The following GRM5 variants were observed in gnomAD, a reference collection of about 807,000 sequenced individuals.
The protein encoded by GRM5 is glutamate metabotropic receptor 5, also known as metabotropic glutamate receptor 5.
Under a neutral mutation model 83.1 loss-of-function variants are expected in GRM5, and 19 were observed. The ratio of observed to expected loss-of-function variants is 0.23; its 90% confidence interval spans 0.16 to 0.34. The LOEUF is 0.34. Ranked by LOEUF, GRM5 falls within the 10% of genes least tolerant of loss-of-function variation. The probability of loss-of-function intolerance (pLI) is 1.00; values close to 1 mark genes in which losing one functional copy is unlikely to be tolerated. For synonymous variants in GRM5, 675 were observed against 633.6 expected (o/e 1.07, Z -0.98); for missense variants, 1,160 against 1,588.3 (o/e 0.73, Z 4.58).
At chr11:88,607,817 G>A (rs1264464812) in intron 4 of GRM5, among the ~76,000 whole-genome samples, 1 of 152,156 alleles carries the variant, frequency 6.6e-6, no homozygotes, top group Non-Finnish European at 1.5e-5. Flanking sequence ...CACAAGATTT[G>A]TGCAGGACAA....
chr11:88,870,970 T>C (rs1753818353), intron 2 of GRM5, among the ~76,000 whole-genome samples: 1 of 151,576 alleles, frequency 6.6e-6, no homozygotes, highest in Admixed American at 6.6e-5. Context: ...GTTTGGATGG[T>C]GGATATGCTA....
intron 3 of GRM5, among the ~76,000 whole-genome samples, chr11:88,657,569 T>C (rs1438271285): frequency 6.6e-6 from 1 of 152,150 alleles, no homozygotes; most frequent in Non-Finnish European, 1.5e-5. Context: ...CTTCCCAAGA[T>C]TGCATTACCA....
chr11:89,030,348 G>T (rs184955257), intron 2 of GRM5, among the ~76,000 whole-genome samples: 80 of 152,026 alleles, frequency 5.3e-4, no homozygotes, highest in Admixed American at 4.5e-3. Flanking sequence ...AGAGCTTTGT[G>T]GTAATCTCAA....
intron 4 of GRM5, among the ~76,000 whole-genome samples, chr11:88,630,065 A>G (rs1162739138): frequency 6.6e-6 from 1 of 152,102 alleles, no homozygotes; most frequent in Non-Finnish European, 1.5e-5. Context: ...TTCTCCTGAA[A>G]TCATCTTCTC....
intron 2 of GRM5, among the ~76,000 whole-genome samples, chr11:88,874,768 A>G (rs1478541643): frequency 6.6e-6 from 1 of 151,986 alleles, no homozygotes; most frequent in Non-Finnish European, 1.5e-5. Flanking sequence ...CCATTACAAT[A>G]AAGCAAATAT....
intron 2 of GRM5, among the ~76,000 whole-genome samples, chr11:88,888,005 G>A (rs538391655): frequency 2.6e-5 from 4 of 152,164 alleles, no homozygotes; most frequent in South Asian, 2.1e-4. Flanking sequence ...TGCCTTAACC[G>A]GGGCCACCTC....
intron 8 of GRM5, among the ~76,000 whole-genome samples, chr11:88,538,393 T>C (rs1176576752): frequency 6.6e-6 from 1 of 152,178 alleles, no homozygotes; most frequent in Non-Finnish European, 1.5e-5. Context: ...AAACCAATCC[T>C]AAGGTGCTTT....
At chr11:88,512,324 A>G (rs563994708) in intron 9 of GRM5, 2 of 154,556 alleles carry the variant, frequency 1.3e-5, no homozygotes, top group South Asian at 2.0e-4. Context: ...GAAACACCAG[A>G]CACCCAGAGA....
intron 2 of GRM5, among the ~76,000 whole-genome samples, chr11:89,041,882 C>G (rs1444931406): frequency 6.6e-6 from 1 of 152,040 alleles, no homozygotes; most frequent in Non-Finnish European, 1.5e-5. Flanking sequence ...ACAATCAATC[C>G]ATAATTTCAA....
At chr11:88,953,502 A>G (rs1479851336) in intron 2 of GRM5, among the ~76,000 whole-genome samples, 1 of 152,214 alleles carries the variant, frequency 6.6e-6, no homozygotes, top group Non-Finnish European at 1.5e-5. Flanking sequence ...AGCCAAATAT[A>G]TACACTCTGA....
intron 2 of GRM5, among the ~76,000 whole-genome samples, chr11:88,971,682 G>GGCATTAAAATCCAGT (rs1421400087): frequency 6.6e-6 from 1 of 151,948 alleles, no homozygotes; most frequent in Admixed American, 6.6e-5. Context: ...CCAGTTTATT[G>GGCATTAAAATCCAGT]TTAATGGGCA....
chr11:88,953,816 T>C (rs1363366103), intron 2 of GRM5, among the ~76,000 whole-genome samples: 1 of 152,234 alleles, frequency 6.6e-6, no homozygotes, highest in Non-Finnish European at 1.5e-5. Context: ...TGCTTTATGA[T>C]GCTAAAGATA....
chr11:89,036,965 G>C (rs1398391126), intron 2 of GRM5, among the ~76,000 whole-genome samples: 9 of 152,026 alleles, frequency 5.9e-5, no homozygotes, highest in Non-Finnish European at 2.9e-5. Context: ...TTTTAGACTT[G>C]AGTATATATC....
intron 2 of GRM5, among the ~76,000 whole-genome samples, chr11:88,990,109 T>A (rs11517538): frequency 1.5e-5 from 2 of 132,434 alleles, no homozygotes; most frequent in African/African-American, 6.2e-5. Flanking sequence ...ATTGATAGAC[T>A]GCTAGCAAGA....
At position 88,990,551 on chromosome 11, in the gene GRM5, C is replaced by T. The variant is rs1422796432; in HGVS notation, c.661+56661G>A. 2.7e-5 allele frequency among the ~76,000 whole-genome samples: 4 copies of T among 150,860 alleles called. No individual in the cohort carries two copies. In the South Asian group the frequency reaches 6.3e-4, roughly 24 times the overall value. ...TTCTGATACCAAAGCCTGGCAGAGA[C>T]ACAACCAAAAAAGAGAATTTTAGAC... is the stretch of plus-strand genomic sequence containing the variant. On this transcript the variant is annotated intron_variant, in intron 2 of 9. Transcript: ENST00000305447.
At chr11:88,956,669 G>A (rs1255759465) in intron 2 of GRM5, among the ~76,000 whole-genome samples, 2 of 152,202 alleles carry the variant, frequency 1.3e-5, no homozygotes, top group African/African-American at 4.8e-5. Context: ...AGCCGGGCGC[G>A]GTGGCGGGGG....
chr11:88,639,816 C>A (rs184749777), intron 4 of GRM5, among the ~76,000 whole-genome samples: 1 of 152,252 alleles, frequency 6.6e-6, no homozygotes, highest in Admixed American at 6.5e-5. Context: ...GTATCTTTAA[C>A]ATACCTTGGG....
intron 8 of GRM5, among the ~76,000 whole-genome samples, chr11:88,536,909 C>G (rs1201447079): frequency 6.6e-6 from 1 of 151,916 alleles, no homozygotes; most frequent in African/African-American, 2.4e-5. Flanking sequence ...AAAAACTTTC[C>G]CTATATCATT....
chr11:88,688,984 G>T lies in GRM5; in HGVS notation c.912-35581C>A, dbSNP rs561321037. Among the ~76,000 whole-genome samples, 18 of 151,872 alleles carry T rather than the reference G, an allele frequency of 1.2e-4. No individual in the cohort carries two copies. In the South Asian group the frequency reaches 3.3e-3, roughly 28 times the overall value. On this transcript the variant is annotated intron_variant, in intron 3 of 9. Transcript: ENST00000305447. The stretch of plus-strand genomic sequence containing the variant: ...ATACTAAAAGCACCCATATAAAACG[G>T]ACACGAAATGAAAGGGGTCATTGTA...
Sources: allele counts gnomAD v4.1 joint callset (sites outside exome capture counted in the v4.1 genomes callset), GRCh38; gene constraint gnomAD v4.1.1; transcripts MANE v1.5; gene names NCBI Gene and HGNC (gene_info 2026-07-23, HGNC 2026-07-21).